Variants in LRP5 observed in about 807,000 individuals in gnomAD.
LRP5 encodes LDL receptor related protein 5.
Under a neutral mutation model 154.1 loss-of-function variants are expected in LRP5, and 62 were observed. The observed-to-expected ratio is 0.40, with a 90% CI of 0.33 to 0.50. The LOEUF (loss-of-function observed/expected upper bound fraction) is 0.50, where lower values mean the gene tolerates loss of function less well. Among genes scored for constraint, LRP5 ranks in the 20% least tolerant of loss-of-function variants. The pLI is 0.55. For missense variants in LRP5, 1,915 were observed against 2,336.7 expected, an observed-to-expected ratio of 0.82 and a Z score of 3.72; for synonymous variants, 966 against 1,011.5, an observed-to-expected ratio of 0.96 and a Z score of 0.85.
At chr11:68,338,057 C>G (rs1438534424) in intron 1 of LRP5, among the ~76,000 whole-genome samples, 1 of 152,148 alleles carries the variant, frequency 6.6e-6, no homozygotes, top group Admixed American at 6.5e-5. Flanking sequence ...TCCTGCCCAA[C>G]TAACCTGCAG....
chr11:68,432,544 G>T (rs1264496744), intron 17 of LRP5, among the ~76,000 whole-genome samples: 1 of 152,224 alleles, frequency 6.6e-6, no homozygotes, highest in Non-Finnish European at 1.5e-5. Flanking sequence ...AAGGCCTGCG[G>T]GTTCCAAACA....
At position 68,449,233 on chromosome 11, in the gene LRP5, T is replaced by G. The variant is rs1196684047; in HGVS notation, c.*163T>G. 2 of 484,458 alleles carry G rather than the reference T, an allele frequency of 4.1e-6. No homozygotes were observed. Among genetic ancestry groups the G allele is most frequent in the African/African-American group, 3.9e-5 (2 of 51,188 alleles). The allele number at this position is 484,458 out of a possible 1,614,324, so 30.0% of individuals were successfully genotyped here. A position where few individuals can be genotyped will look rare whatever the true frequency, so the allele number is the denominator to read the frequency against. On this transcript the variant is annotated 3_prime_UTR_variant, in exon 23 of 23. Transcript: ENST00000294304. ...GGTGGGCAGGGCTGGGAGAACTTTG[T>G]ACAGTGGAGAAATATTTATAAACTT...
At chr11:68,441,148 G>A (rs1280033481) in intron 21 of LRP5, among the ~76,000 whole-genome samples, 1 of 151,886 alleles carries the variant, frequency 6.6e-6, no homozygotes, top group Non-Finnish European at 1.5e-5. Context: ...GTGTCATCAT[G>A]GCTAACTGCA....
At position 68,411,554 on chromosome 11, in the gene LRP5, T is replaced by A. The variant is rs936323278; in HGVS notation, c.2437T>A (p.Tyr813Asn). Residue 813 changes from tyrosine to asparagine, a missense_variant, in exon 11 of 23, where the codon TAC (tyrosine) becomes AAC (asparagine). By Grantham distance (143) the Tyr-to-Asn change is moderately radical. Around this residue, in one of 3 missense-constraint regions of LRP5, gnomAD observed 1,094 missense variants for 1,210.1 expected, o/e 0.90. Transcript: ENST00000294304. ...VGRANDLTID[Y>N]ADQRLYWTDL... Reference sequence around the variant, plus strand: ...CCGGGCCAACGACCTCACCATTGACTACGCTGACCAGCGCCTCTACTGGAC... The same window carrying A: ...CCGGGCCAACGACCTCACCATTGACAACGCTGACCAGCGCCTCTACTGGAC... 5.0e-6 allele frequency: 8 copies of A among 1,613,696 alleles called. No individual in the cohort carries two copies. The highest frequency in any genetic ancestry group is 5.9e-6 in the Non-Finnish European group (7 of 1,180,036).
At chr11:68,339,648 A>G (rs1343122170) in intron 1 of LRP5, among the ~76,000 whole-genome samples, 2 of 152,096 alleles carry the variant, frequency 1.3e-5, no homozygotes, top group Non-Finnish European at 1.5e-5. Flanking sequence ...ACCTGGCCAT[A>G]ATATTCGTTT....
At chr11:68,345,251 C>T (rs771392292) in intron 1 of LRP5, among the ~76,000 whole-genome samples, 10 of 152,120 alleles carry the variant, frequency 6.6e-5, no homozygotes, top group East Asian at 3.9e-4. Flanking sequence ...AGTAGAGGGA[C>T]GCTTGGGTTG....
intron 9 of LRP5, among the ~76,000 whole-genome samples, chr11:68,407,686 C>A (rs1377630488): frequency 6.7e-6 from 1 of 148,486 alleles, no homozygotes; most frequent in African/African-American, 2.5e-5. Context: ...ACTAAAAATA[C>A]AAAAAAAAAA....
At chr11:68,441,535 G>A (rs76178575) in intron 21 of LRP5, among the ~76,000 whole-genome samples, 2,697 of 152,300 alleles carry the variant, frequency 0.018, 45 homozygotes, top group African/African-American at 0.047. Flanking sequence ...ACCAGAAGCC[G>A]AGAGTTTAAA....
At chr11:68,427,841 T>G (rs1239273092) in intron 16 of LRP5, among the ~76,000 whole-genome samples, 11 of 152,112 alleles carry the variant, frequency 7.2e-5, no homozygotes, top group Admixed American at 7.2e-4. Flanking sequence ...TGTGGTCAGC[T>G]CTCCCTCCAA....
At chr11:68,354,309 C>G (rs921856988) in intron 2 of LRP5, among the ~76,000 whole-genome samples, 1 of 152,240 alleles carries the variant, frequency 6.6e-6, no homozygotes, top group Non-Finnish European at 1.5e-5. Context: ...CCGACTGGCT[C>G]GCAAATTCCC....
chr11:68,341,611 G>T (rs986100118), intron 1 of LRP5, among the ~76,000 whole-genome samples: 2 of 152,100 alleles, frequency 1.3e-5, no homozygotes, highest in African/African-American at 4.8e-5. Context: ...GGCACATGAC[G>T]TGGTGGGAAG....
chr11:68,338,582 G>A (rs2098606984), intron 1 of LRP5, among the ~76,000 whole-genome samples: 1 of 152,282 alleles, frequency 6.6e-6, no homozygotes, highest in African/African-American at 2.4e-5. Flanking sequence ...GCACCCACTA[G>A]AGATAGATCT....
chr11:68,377,122 T>G (rs2098637784), intron 5 of LRP5, among the ~76,000 whole-genome samples: 1 of 151,718 alleles, frequency 6.6e-6, no homozygotes, highest in Non-Finnish European at 1.5e-5. Flanking sequence ...GCCTGGGGAG[T>G]GGCCATGCAG....
intron 1 of LRP5, among the ~76,000 whole-genome samples, chr11:68,337,259 C>G (rs1161842108): frequency 6.6e-6 from 1 of 152,158 alleles, no homozygotes; most frequent in Non-Finnish European, 1.5e-5. Context: ...GGAAGCAGAC[C>G]CAGGCTTTGG....
intron 3 of LRP5, among the ~76,000 whole-genome samples, chr11:68,363,501 A>T (rs2098629161): frequency 6.6e-6 from 1 of 152,114 alleles, no homozygotes; most frequent in African/African-American, 2.4e-5. Flanking sequence ...TACTAAAAAT[A>T]CAAAAATCAT....
chr11:68,401,854 C>A (rs1053895311), intron 7 of LRP5, among the ~76,000 whole-genome samples: 5 of 152,016 alleles, frequency 3.3e-5, no homozygotes, highest in African/African-American at 4.8e-5. Context: ...ATGCCCAGCT[C>A]GTTTTTTTTT....
At chr11:68,315,440 G>A (rs534060829) in intron 1 of LRP5, among the ~76,000 whole-genome samples, 3 of 152,374 alleles carry the variant, frequency 2.0e-5, no homozygotes, top group African/African-American at 7.2e-5. Context: ...TGTGGACAGA[G>A]CCCCTGCGCC....
intron 1 of LRP5, among the ~76,000 whole-genome samples, chr11:68,346,772 G>A (rs564158248): frequency 4.6e-5 from 7 of 152,214 alleles, no homozygotes; most frequent in Non-Finnish European, 1.0e-4. Context: ...AGCAGACACG[G>A]ACTGATGGAG....
intron 15 of LRP5, 88 bp from the exon 16 acceptor site, chr11:68,425,890 G>A: frequency 8.4e-7 from 1 of 1,187,802 alleles, no homozygotes; most frequent in South Asian, 1.2e-5. Context: ...CTCCCTGGCA[G>A]TCCTGTCAAC....
Sources: gnomAD v4.1 joint callset for allele counts (sites outside exome capture counted in the v4.1 genomes callset) on GRCh38, gnomAD v4.1.1 for gene constraint, gnomAD v4.1.1 regional missense constraint, MANE v1.5 for transcripts, NCBI Gene and HGNC (gene_info 2026-07-23, HGNC 2026-07-21) for gene names.